The following NEK10 variants were observed in gnomAD, a reference collection of about 807,000 sequenced individuals.
NEK10 encodes the protein NIMA related kinase 10.
NEK10 carries 122 observed loss-of-function variants against 159.8 expected under a neutral mutation model. The ratio of observed to expected loss-of-function variants is 0.76; its 90% CI spans 0.66 to 0.89. The LOEUF (loss-of-function observed/expected upper bound fraction) is 0.89. NEK10 is among the 40% of genes least tolerant of loss of function. NEK10 has a pLI of 0.00. For synonymous variants in NEK10, 466 were observed against 457.1 expected (o/e 1.02, Z -0.25); for missense variants, 1,342 against 1,323.1 (o/e 1.01, Z -0.22).
intron 30 of NEK10, chr3:27,162,123 G>A (rs1946067566): frequency 8.2e-6 from 2 of 242,850 alleles, no homozygotes; most frequent in Admixed American, 5.1e-5. Flanking sequence ...TCATGTAGGT[G>A]TAGAGTTTAC....
intron 26 of NEK10, among the ~76,000 whole-genome samples, chr3:27,178,843 G>C (rs1360726792): frequency 2.0e-5 from 3 of 152,180 alleles, no homozygotes; most frequent in African/African-American, 7.2e-5. Context: ...TGCCACATCA[G>C]AGAGGTGGGC....
At chr3:27,154,009 A>G (rs192088098) in intron 30 of NEK10, among the ~76,000 whole-genome samples, 1 of 152,310 alleles carries the variant, frequency 6.6e-6, no homozygotes, top group East Asian at 1.9e-4. Context: ...GATACATGAA[A>G]CAAAAAGCTA....
intron 22 of NEK10, among the ~76,000 whole-genome samples, chr3:27,271,237 T>C: frequency 6.6e-6 from 1 of 152,018 alleles, no homozygotes. Flanking sequence ...ATAGTACTAT[T>C]CACATATAGG....
In NEK10 at chr3:27,156,879, T is replaced by A. The variant is rs568060394; in HGVS notation, c.2869+5822A>T. Reference sequence around the variant, plus strand: ...AGCCACACAATTCACAATTGCATAATTGTGGAACCAACCCAAATGCCCATC... The same window carrying A: ...AGCCACACAATTCACAATTGCATAAATGTGGAACCAACCCAAATGCCCATC... On this transcript the variant is annotated intron_variant, in intron 30 of 35. Coordinates refer to ENST00000691995, the MANE Select transcript of NEK10 (RefSeq NM_001394966.1). Among the ~76,000 whole-genome samples, 407 of 136,660 alleles carry A rather than the reference T, an allele frequency of 3.0e-3. 3 individuals carry two copies. The highest frequency in any genetic ancestry group is 0.011 in the African/African-American group (395 of 37,362). The allele number at this position is 136,660 out of a possible 152,430, so 89.7% of individuals were successfully genotyped here.
chr3:27,315,190 CA>C (rs2045058408), intron 6 of NEK10, among the ~76,000 whole-genome samples: 1 of 152,094 alleles, frequency 6.6e-6, no homozygotes, highest in Non-Finnish European at 1.5e-5. Context: ...AACATGCCCA[CA>C]AGGAAGTTAT....
At chr3:27,135,358 A>T (rs1943083325) in intron 31 of NEK10, among the ~76,000 whole-genome samples, 1 of 152,220 alleles carries the variant, frequency 6.6e-6, no homozygotes, top group Admixed American at 6.5e-5. Flanking sequence ...GTGACTCTTA[A>T]AAAGATAATT....
intron 6 of NEK10, among the ~76,000 whole-genome samples, chr3:27,321,329 T>C (rs553906548): frequency 1.3e-5 from 2 of 152,286 alleles, no homozygotes; most frequent in South Asian, 4.1e-4. Flanking sequence ...AGATTCTGCA[T>C]GTACAAGATG....
intron 22 of NEK10, among the ~76,000 whole-genome samples, chr3:27,278,063 T>C (rs1361460035): frequency 1.3e-5 from 2 of 152,224 alleles, no homozygotes; most frequent in East Asian, 3.8e-4. Context: ...GTCTTTGTCA[T>C]GTATTCTTCC....
intron 5 of NEK10, among the ~76,000 whole-genome samples, chr3:27,330,278 G>T (rs1006436523): frequency 3.9e-5 from 6 of 152,162 alleles, no homozygotes; most frequent in African/African-American, 1.4e-4. Flanking sequence ...ATCATCATTT[G>T]CTTGAGGACT....
intron 6 of NEK10, among the ~76,000 whole-genome samples, chr3:27,315,165 T>C (rs2149615115): frequency 6.6e-6 from 1 of 152,268 alleles, no homozygotes; most frequent in African/African-American, 2.4e-5. Flanking sequence ...TGTATTGACA[T>C]CTCTCTCCTT....
intron 22 of NEK10, among the ~76,000 whole-genome samples, chr3:27,278,243 G>A (rs552087287): frequency 3.4e-4 from 52 of 152,282 alleles, no homozygotes; most frequent in African/African-American, 1.2e-3. Context: ...ACATGTTACA[G>A]TATTTTGCAT....
chr3:27,151,709 GGGA>G (rs1270737344), intron 30 of NEK10, among the ~76,000 whole-genome samples: 4 of 152,286 alleles, frequency 2.6e-5, no homozygotes, highest in Admixed American at 2.0e-4. Context: ...TAGCTAATCA[GGGA>G]GGAACCAGAG....
chr3:27,217,026 T>A (rs768575531), intron 23 of NEK10, among the ~76,000 whole-genome samples: 9 of 152,172 alleles, frequency 5.9e-5, no homozygotes, highest in Non-Finnish European at 1.0e-4. Flanking sequence ...AAAAACATTT[T>A]ATAAATTACT....
intron 3 of NEK10, among the ~76,000 whole-genome samples, chr3:27,348,989 C>A (rs980847959): frequency 2.0e-5 from 3 of 151,988 alleles, no homozygotes; most frequent in African/African-American, 7.3e-5. Flanking sequence ...CATCATATAC[C>A]AGACATTGCT....
Position 27,312,091 on chromosome 3 carries a change from A to C in NEK10, c.568+8T>G. ...CAAAAATGGCTGTGTCCCTGCAATA[A>C]CACTTACATGTCATGTTGACCAGCT... On this transcript the variant is annotated splice_region_variant and intron_variant, in intron 8 of 35. Coordinates refer to ENST00000691995, the MANE Select transcript of NEK10 (RefSeq NM_001394966.1). 6.2e-7 allele frequency: 1 copy of C among 1,600,384 alleles called. No individual in the cohort carries two copies. Among genetic ancestry groups the C allele is most frequent in the South Asian group, 1.1e-5 (1 of 90,340 alleles).
At chr3:27,354,061 A>C (rs1477597436) in intron 1 of NEK10, among the ~76,000 whole-genome samples, 4 of 152,218 alleles carry the variant, frequency 2.6e-5, no homozygotes, top group Non-Finnish European at 5.9e-5. Flanking sequence ...CAAAATAAAT[A>C]GAATCTAACT....
chr3:27,348,981 T>C (rs1478559940), intron 3 of NEK10, among the ~76,000 whole-genome samples: 1 of 152,088 alleles, frequency 6.6e-6, no homozygotes, highest in Non-Finnish European at 1.5e-5. Context: ...TGCAGACACA[T>C]CATATACCAG....
At chr3:27,262,785 C>CTTTA (rs1243819132) in intron 22 of NEK10, among the ~76,000 whole-genome samples, 2 of 152,146 alleles carry the variant, frequency 1.3e-5, no homozygotes, top group Non-Finnish European at 2.9e-5. Context: ...GAACTTCCTC[C>CTTTA]TTTAGCTCAG....
chr3:27,307,741 C>T (rs1489193923), intron 11 of NEK10, 118 bp downstream of exon 11: 2 of 651,590 alleles, frequency 3.1e-6, no homozygotes, highest in Non-Finnish European at 5.5e-6. Flanking sequence ...AAATAAATGC[C>T]AAGCTGACTC....
Sources: allele counts gnomAD v4.1 joint callset (sites outside exome capture counted in the v4.1 genomes callset), GRCh38; gene constraint gnomAD v4.1.1; transcripts MANE v1.5; gene names NCBI Gene and HGNC (gene_info 2026-07-23, HGNC 2026-07-21).